The following SRPK2 variants were observed in gnomAD, a reference collection of about 807,000 sequenced individuals.
SRPK2 encodes the protein SRSF protein kinase 2.
SRPK2 carries 21 observed loss-of-function variants against 90.8 expected under a neutral mutation model. The ratio of observed to expected loss-of-function variants is 0.23; its 90% CI spans 0.16 to 0.33. The LOEUF (loss-of-function observed/expected upper bound fraction) is 0.33. SRPK2 is among the 10% of genes least tolerant of loss of function. The pLI, the probability that SRPK2 is intolerant of heterozygous loss-of-function variation, is 1.00. For synonymous variants in SRPK2, 288 were observed against 311.1 expected (o/e 0.93, Z 0.78); for missense variants, 620 against 869.0 (o/e 0.71, Z 3.60).
intron 2 of SRPK2, among the ~76,000 whole-genome samples, chr7:105,281,018 T>C (rs1237689968): frequency 1.4e-5 from 2 of 140,894 alleles, no homozygotes; most frequent in African/African-American, 5.4e-5. Flanking sequence ...TTAGTGCCCC[T>C]AACTCTCAAC....
chr7:105,366,129 A>G (rs1819023646), intron 2 of SRPK2, among the ~76,000 whole-genome samples: 1 of 152,044 alleles, frequency 6.6e-6, no homozygotes, highest in South Asian at 2.1e-4. Context: ...CTGGGATTTC[A>G]GGCATGAGCC....
intron 2 of SRPK2, among the ~76,000 whole-genome samples, chr7:105,374,562 T>C (rs183790536): frequency 2.2e-4 from 33 of 148,670 alleles, no homozygotes; most frequent in African/African-American, 6.8e-4. Flanking sequence ...ATTAGAATGT[T>C]AGTCATTAAT....
intron 7 of SRPK2, among the ~76,000 whole-genome samples, chr7:105,150,246 G>A (rs1467831166): frequency 6.6e-6 from 1 of 152,216 alleles, no homozygotes; most frequent in Non-Finnish European, 1.5e-5. Flanking sequence ...TCAAGGCCGG[G>A]CTCAGCCTTG....
chr7:105,327,540 C>A (rs1184783277), intron 2 of SRPK2, among the ~76,000 whole-genome samples: 36 of 152,184 alleles, frequency 2.4e-4, no homozygotes, highest in Admixed American at 2.4e-3. Context: ...TTTCCCCTAG[C>A]ACCTGATACT....
chr7:105,247,020 T>TCC (rs1801759764), intron 2 of SRPK2, among the ~76,000 whole-genome samples: 1 of 152,166 alleles, frequency 6.6e-6, no homozygotes. Flanking sequence ...GGCCTGTGCC[T>TCC]CCTAAGGGCA....
At chr7:105,321,314 C>T (rs755682836) in intron 2 of SRPK2, among the ~76,000 whole-genome samples, 1 of 152,092 alleles carries the variant, frequency 6.6e-6, no homozygotes, top group East Asian at 1.9e-4. Flanking sequence ...GTACCTTATA[C>T]AAAAATAAAC....
At chr7:105,376,926 A>T (rs1370246818) in intron 2 of SRPK2, among the ~76,000 whole-genome samples, 1 of 149,636 alleles carries the variant, frequency 6.7e-6, no homozygotes, top group Non-Finnish European at 1.5e-5. Flanking sequence ...AGCTTATTCA[A>T]TAACTAATCT....
chr7:105,219,858 C>T (rs1192018000), intron 2 of SRPK2, among the ~76,000 whole-genome samples: 2 of 152,144 alleles, frequency 1.3e-5, no homozygotes, highest in Non-Finnish European at 2.9e-5. Context: ...TGAAAGCACA[C>T]AAAATTCTGT....
At chr7:105,279,471 A>G (rs1163416662) in intron 2 of SRPK2, among the ~76,000 whole-genome samples, 1 of 152,198 alleles carries the variant, frequency 6.6e-6, no homozygotes, top group African/African-American at 2.4e-5. Context: ...CATTCTCTCC[A>G]AAAGTGGGAT....
chr7:105,172,929 G>GTA (rs1284718766), intron 3 of SRPK2, among the ~76,000 whole-genome samples: 1 of 152,200 alleles, frequency 6.6e-6, no homozygotes, highest in African/African-American at 2.4e-5. Context: ...TAGCCGAAGT[G>GTA]TATACATGTG....
intron 7 of SRPK2, among the ~76,000 whole-genome samples, chr7:105,159,238 C>A (rs1018330914): frequency 6.6e-6 from 1 of 151,944 alleles, no homozygotes; most frequent in Non-Finnish European, 1.5e-5. Context: ...GTAATCCCAG[C>A]ACTTTGGAAG....
chr7:105,187,564 A>T (rs1251297617), intron 3 of SRPK2, among the ~76,000 whole-genome samples: 1 of 152,186 alleles, frequency 6.6e-6, no homozygotes, highest in Non-Finnish European at 1.5e-5. Flanking sequence ...CTGAAACTGA[A>T]ATTTAGCTTA....
At chr7:105,139,122 T>C (rs546005147) in intron 11 of SRPK2, among the ~76,000 whole-genome samples, 18 of 152,334 alleles carry the variant, frequency 1.2e-4, no homozygotes, top group East Asian at 1.9e-4. Context: ...CACTCTCCAC[T>C]GTGGAGACCA....
At chr7:105,335,817 G>A (rs942416627) in intron 2 of SRPK2, among the ~76,000 whole-genome samples, 8 of 151,890 alleles carry the variant, frequency 5.3e-5, no homozygotes, top group Non-Finnish European at 1.0e-4. Context: ...TTAGCCAAGC[G>A]TGGTGGCAGG....
intron 2 of SRPK2, among the ~76,000 whole-genome samples, chr7:105,315,333 T>C (rs1812195731): frequency 6.6e-6 from 1 of 152,162 alleles, no homozygotes; most frequent in African/African-American, 2.4e-5. Flanking sequence ...TAATACTAAC[T>C]CTATTAAAAA....
intron 2 of SRPK2, among the ~76,000 whole-genome samples, chr7:105,284,918 G>T (rs143963513): frequency 1.1e-4 from 16 of 152,048 alleles, no homozygotes; most frequent in Non-Finnish European, 2.9e-5. Context: ...ATCTAAACTC[G>T]TTCTTCAATT....
intron 2 of SRPK2, among the ~76,000 whole-genome samples, chr7:105,288,247 A>C (rs574686491): frequency 1.3e-5 from 2 of 152,228 alleles, no homozygotes; most frequent in Admixed American, 1.3e-4. Context: ...ATCTTACAAC[A>C]TAACAAAATT....
At chr7:105,147,013 C>T (rs62488061) in intron 7 of SRPK2, among the ~76,000 whole-genome samples, 6 of 152,192 alleles carry the variant, frequency 3.9e-5, no homozygotes, top group Non-Finnish European at 8.8e-5. Context: ...GCCTACTCAA[C>T]GCGAAGATAA....
intron 3 of SRPK2, among the ~76,000 whole-genome samples, chr7:105,193,452 G>C (rs947704787): frequency 6.6e-6 from 1 of 152,198 alleles, no homozygotes; most frequent in African/African-American, 2.4e-5. Flanking sequence ...AGTACAGTTT[G>C]AAATCAGGTA....
Sources: allele counts gnomAD v4.1 joint callset (sites outside exome capture counted in the v4.1 genomes callset), GRCh38; gene constraint gnomAD v4.1.1; transcripts MANE v1.5; gene names NCBI Gene and HGNC (gene_info 2026-07-23, HGNC 2026-07-21).